ROBO2: variants seen among roughly 807,000 people sequenced by gnomAD.
ROBO2 encodes roundabout homolog 2.
Under a neutral mutation model 160.8 loss-of-function variants are expected in ROBO2, and 53 were observed. The ratio of observed to expected loss-of-function variants is 0.33; its 90% CI spans 0.26 to 0.41. ROBO2 has a LOEUF of 0.41. Ranked by LOEUF, ROBO2 falls within the 10% of genes least tolerant of loss-of-function variation. The pLI, the probability that ROBO2 is intolerant of heterozygous loss-of-function variation, is 1.00. For synonymous variants in ROBO2, 664 were observed against 611.7 expected, an observed-to-expected ratio of 1.09 and a Z score of -1.26; for missense variants, 1,577 against 1,722.4, an observed-to-expected ratio of 0.92 and a Z score of 1.49.
intron 2 of ROBO2, among the ~76,000 whole-genome samples, chr3:76,175,886 C>T (rs1193630031): frequency 6.6e-6 from 1 of 152,088 alleles, no homozygotes; most frequent in Non-Finnish European, 1.5e-5. Context: ...GTTCTCTCAT[C>T]CTATGTAGTT....
At position 76,105,754 on chromosome 3, in the gene ROBO2, A is replaced by G. The variant is rs141912687; in HGVS notation, c.109+168152A>G. On this transcript the variant is annotated intron_variant, in intron 2 of 26. Coordinates refer to the ROBO2 transcript ENST00000487694. ...CATGGGGAGTAAAATGGTATTGCCT[A>G]TAAGAGCAAACCAGAATGCGTCTCT... is the stretch of plus-strand genomic sequence containing the variant. Among the ~76,000 whole-genome samples the G allele has an allele frequency of 5.5e-3, 836 of 152,180 alleles. 11 individuals carry two copies. Among genetic ancestry groups the G allele is most frequent in the African/African-American group, 0.019 (806 of 41,538 alleles).
rs571746510 is a variant in ROBO2, at chr3:76,195,461, A to G, written c.109+257859A>G. On this transcript the variant is annotated intron_variant, in intron 2 of 26. Coordinates refer to the ROBO2 transcript ENST00000487694. ...TCCTTTAGGCAAAAAGAGGTGGGAT[A>G]TTGTCAATTTCATAGGAATGAATTT... is the stretch of plus-strand genomic sequence containing the variant. Among the ~76,000 whole-genome samples the G allele has an allele frequency of 2.0e-5, 3 of 152,338 alleles. No homozygotes were observed. In the East Asian group the frequency reaches 5.8e-4, roughly 29 times the overall value.
At chr3:76,673,199 G>A (rs925131227) in intron 2 of ROBO2, among the ~76,000 whole-genome samples, 1 of 150,764 alleles carries the variant, frequency 6.6e-6, no homozygotes, top group African/African-American at 2.5e-5. Flanking sequence ...TATACAAGAT[G>A]ATTACAGTCC....
At chr3:77,174,937 A>G (rs1011164292) in intron 2 of ROBO2, among the ~76,000 whole-genome samples, 1 of 152,084 alleles carries the variant, frequency 6.6e-6, no homozygotes, top group African/African-American at 2.4e-5. Flanking sequence ...CTAATATTAT[A>G]AAGCCTGTTT....
At chr3:76,549,144 A>G (rs1159237667) in intron 2 of ROBO2, among the ~76,000 whole-genome samples, 2 of 152,140 alleles carry the variant, frequency 1.3e-5, no homozygotes, top group Non-Finnish European at 2.9e-5. Context: ...GGAATTTGAT[A>G]ATTAGAACAT....
intron 2 of ROBO2, among the ~76,000 whole-genome samples, chr3:75,981,499 G>C (rs1013147686): frequency 2.6e-5 from 4 of 151,246 alleles, no homozygotes; most frequent in African/African-American, 9.7e-5. Flanking sequence ...ATGTGTGAGA[G>C]ATGTGGGTTG....
chr3:76,850,018 CT>C (rs1327261651), intron 2 of ROBO2, among the ~76,000 whole-genome samples: 1 of 152,086 alleles, frequency 6.6e-6, no homozygotes, highest in Non-Finnish European at 1.5e-5. Flanking sequence ...GAAATCTCAT[CT>C]CTACTAAAAA....
At chr3:76,183,696 C>T (rs543089444) in intron 2 of ROBO2, among the ~76,000 whole-genome samples, 9 of 151,992 alleles carry the variant, frequency 5.9e-5, no homozygotes, top group Middle Eastern at 3.4e-3. Context: ...CACTCTACTC[C>T]GAATATTCTA....
chr3:76,362,729 A>G (rs188945367), intron 2 of ROBO2, among the ~76,000 whole-genome samples: 43 of 152,196 alleles, frequency 2.8e-4, no homozygotes, highest in Non-Finnish European at 7.4e-5. Flanking sequence ...TCCTTGAAAT[A>G]GTATGTCCTA....
chr3:76,799,334 A>C (rs951307606), intron 2 of ROBO2, among the ~76,000 whole-genome samples: 2 of 152,160 alleles, frequency 1.3e-5, no homozygotes, highest in African/African-American at 4.8e-5. Flanking sequence ...AAGGATGCCT[A>C]CTCTCACCAC....
intron 2 of ROBO2, among the ~76,000 whole-genome samples, chr3:76,927,280 C>T (rs1329176100): frequency 2.0e-5 from 3 of 152,058 alleles, no homozygotes; most frequent in African/African-American, 4.8e-5. Context: ...ACCCCCACCA[C>T]CAGAAAAAAA....
At chr3:76,804,506 C>T (rs2064514132) in intron 2 of ROBO2, among the ~76,000 whole-genome samples, 1 of 152,150 alleles carries the variant, frequency 6.6e-6, no homozygotes, top group Non-Finnish European at 1.5e-5. Flanking sequence ...TTAGTGTGGA[C>T]TTACCTTGTG....
chr3:76,190,000 T>A (rs1701933874), intron 2 of ROBO2, among the ~76,000 whole-genome samples: 1 of 152,164 alleles, frequency 6.6e-6, no homozygotes, highest in African/African-American at 2.4e-5. Flanking sequence ...TAAGAGAAAA[T>A]TCCAGTTTTA....
At chr3:76,697,075 A>C (rs912364749) in intron 2 of ROBO2, among the ~76,000 whole-genome samples, 1 of 152,196 alleles carries the variant, frequency 6.6e-6, no homozygotes, top group South Asian at 2.1e-4. Flanking sequence ...AGACAGAATA[A>C]GTGCAATGTA....
intron 2 of ROBO2, among the ~76,000 whole-genome samples, chr3:76,996,478 A>G (rs561427817): frequency 7.9e-5 from 12 of 152,160 alleles, no homozygotes; most frequent in South Asian, 2.1e-4. Flanking sequence ...GTTTTTTCCA[A>G]TTCTGTGATG....
At chr3:76,277,972 G>A (rs1163143500) in intron 2 of ROBO2, among the ~76,000 whole-genome samples, 1 of 150,984 alleles carries the variant, frequency 6.6e-6, no homozygotes, top group East Asian at 1.9e-4. Flanking sequence ...TTGACACACA[G>A]TAGCCTGGTT....
chr3:77,125,889 TCTA>T (rs1419602312), intron 2 of ROBO2, among the ~76,000 whole-genome samples: 1 of 152,208 alleles, frequency 6.6e-6, no homozygotes, highest in Non-Finnish European at 1.5e-5. Context: ...TTAGTTCACT[TCTA>T]CTTCTGAAGT....
At chr3:76,789,352 G>A (rs943522540) in intron 2 of ROBO2, among the ~76,000 whole-genome samples, 4 of 151,390 alleles carry the variant, frequency 2.6e-5, no homozygotes, top group African/African-American at 9.7e-5. Context: ...GCCATTATAC[G>A]AAGGAGCAGC....
chr3:76,715,365 A>T (rs2093363295), intron 2 of ROBO2, among the ~76,000 whole-genome samples: 1 of 152,208 alleles, frequency 6.6e-6, no homozygotes, highest in African/African-American at 2.4e-5. Context: ...TAAAATACAC[A>T]TTCAACAAAG....
Sources: gnomAD v4.1 joint callset for allele counts (sites outside exome capture counted in the v4.1 genomes callset) on GRCh38, gnomAD v4.1.1 for gene constraint, MANE v1.5 for transcripts, NCBI Gene and HGNC (gene_info 2026-07-23, HGNC 2026-07-21) for gene names.